CCDC102A: variants seen among roughly 807,000 people sequenced by gnomAD.
CCDC102A encodes coiled-coil domain containing 102A, also known as coiled-coil domain-containing protein 102A.
Under a neutral mutation model 55.5 loss-of-function variants are expected in CCDC102A, and 40 were observed. That is an observed-to-expected ratio of 0.72 (90% CI 0.56 to 0.94). CCDC102A has a LOEUF of 0.94. Among genes scored for constraint, CCDC102A ranks in the 40% least tolerant of loss-of-function variants. The probability of loss-of-function intolerance (pLI) is 0.00; values close to 1 mark genes in which losing one functional copy is unlikely to be tolerated. For missense variants in CCDC102A, 779 were observed against 768.6 expected, an observed-to-expected ratio of 1.01 and a Z score of -0.16; for synonymous variants, 323 against 339.0, an observed-to-expected ratio of 0.95 and a Z score of 0.52.
rs764648298 is a variant in CCDC102A at position 57,516,438 on chromosome 16, T to C, written c.1274A>G (p.His425Arg). Residue 425 changes from histidine (H) to arginine (R), a missense_variant, in exon 7 of 9, where the codon CAT (histidine) becomes CGT (arginine). Coordinates refer to ENST00000258214, the MANE Select transcript of CCDC102A (RefSeq NM_033212.4). This position sits in a 1 kb window ranked among gnomAD's most constrained non-coding sequence, Gnocchi z 4.4. ...CTGGAACTGCTTCTTCAGCTTGCCA[T>C]GCACATGCTTCAGGTCTGCCAGCTC... ...NKELADLKHV[H>R]GKLKKQFQEK... The C allele has an allele frequency of 1.2e-6, 2 of 1,608,270 alleles. No individual in the cohort carries two copies. The highest frequency in any genetic ancestry group is 2.2e-5 in the South Asian group (2 of 91,042).
rs2032134299 is a variant in CCDC102A, at chr16:57,525,995, C to G, written c.718G>C (p.Glu240Gln). The G allele has an allele frequency of 6.2e-7, 1 of 1,609,692 alleles. No homozygotes were observed. The highest frequency in any genetic ancestry group is 8.5e-7 in the Non-Finnish European group (1 of 1,178,462). Residue 240 changes from glutamate to glutamine, a missense_variant, in exon 3 of 9, where the codon GAG becomes CAG. Transcript: ENST00000258214. ...TCCTCCTCCGTGGCAGCTGTGTCCT[C>G]CCAGGGTAGCCGGCTGCGCTCCTGG... ...GRQERSRLPW[E>Q]DTAATEEEAS... is the part of the protein sequence containing the mutation.
At position 57,521,138 on chromosome 16, in the gene CCDC102A, T is replaced by C. The variant is rs745458166; in HGVS notation, c.851A>G (p.Glu284Gly). 1 of 1,613,518 alleles carries C rather than the reference T, an allele frequency of 6.2e-7. No individual in the cohort carries two copies. Among genetic ancestry groups the C allele is most frequent in the Admixed American group, 1.7e-5 (1 of 60,008 alleles). ...GATCTTCCACTGGCTGAGCTCCCCC[T>C]CTAGCTTCTCAATGTTCCTGCTCAA... is the stretch of plus-strand genomic sequence containing the variant. ...LALSRNIEKL[E>G]GELSQWKIKY... Residue 284 changes from glutamate (E) to glycine (G), a missense_variant, in exon 4 of 9, where the codon GAG (glutamate) becomes GGG (glycine). Coordinates refer to ENST00000258214, the MANE Select transcript of CCDC102A (RefSeq NM_033212.4).
chr16:57,536,216 C>T (rs1185099303), intron 1 of CCDC102A, among the ~76,000 whole-genome samples: 2 of 152,034 alleles, frequency 1.3e-5, no homozygotes, highest in Admixed American at 6.5e-5. Flanking sequence ...GCCGCCCCCT[C>T]CCGTCCGGCC....
chr16:57,534,270 C>T (rs60138263), intron 1 of CCDC102A, among the ~76,000 whole-genome samples: 88 of 152,262 alleles, frequency 5.8e-4, no homozygotes, highest in Middle Eastern at 3.4e-3. Context: ...GACACTTGTG[C>T]CACTTAGAGC....
intron 7 of CCDC102A, 109 bp from the exon 8 acceptor site, chr16:57,515,553 C>A: frequency 1.4e-6 from 1 of 714,546 alleles, no homozygotes; most frequent in East Asian, 2.7e-5. Flanking sequence ...GGTGCTCCTC[C>A]GAGAGTGTTT....
chr16:57,529,506 C>G lies in CCDC102A; in HGVS notation c.-147-182G>C, dbSNP rs1013338287. ...CCCGCAAAGGCCTCCTCAGTGGCCT[C>G]GACTCCCTGCTCCAATCCCTTCACC... On this transcript the variant is annotated intron_variant, in intron 1 of 8. Transcript: ENST00000258214. The surrounding 1 kb of genome is among the most constrained non-coding windows in gnomAD (Gnocchi z 4.1). 6.6e-6 allele frequency among the ~76,000 whole-genome samples: 1 copy of G among 152,186 alleles called. No homozygotes were observed. Among genetic ancestry groups the G allele is most frequent in the Non-Finnish European group, 1.5e-5 (1 of 68,010 alleles).
At position 57,513,208 on chromosome 16, in the gene CCDC102A, T is replaced by C. The variant is rs181968099; in HGVS notation, c.1524-338A>G. Among the ~76,000 whole-genome samples the C allele has an allele frequency of 9.2e-5, 14 of 152,308 alleles. No individual in the cohort carries two copies. The East Asian group carries it at 2.7e-3, about 29-fold the overall frequency. ...ATGCTGCAGGATTTGAACCCAAGCCTGGCTCTCAGAGCACAGGCAGCAGAG... is the reference window on the plus strand; with the variant it reads ...ATGCTGCAGGATTTGAACCCAAGCCCGGCTCTCAGAGCACAGGCAGCAGAG... On this transcript the variant is annotated intron_variant, in intron 8 of 8. Transcript: ENST00000258214.
intron 1 of CCDC102A, among the ~76,000 whole-genome samples, chr16:57,534,697 G>A (rs868744064): frequency 6.6e-6 from 1 of 152,142 alleles, no homozygotes; most frequent in East Asian, 1.9e-4. Flanking sequence ...CCACTCTTAG[G>A]GGTACCCTTG....
Position 57,518,089 on chromosome 16 carries a change from G to C in CCDC102A, c.1227C>G (p.Ala409=). 4 of 1,603,412 alleles carry C rather than the reference G, an allele frequency of 2.5e-6. No individual in the cohort carries two copies. Among genetic ancestry groups the C allele is most frequent in the Non-Finnish European group, 3.4e-6 (4 of 1,177,414 alleles). ...CCACCTTGTTCTTCTCGAAGAGCGCGGCCTGGCTGGCCCTCAGGTCGCAGT... is the reference window on the plus strand; with the variant it reads ...CCACCTTGTTCTTCTCGAAGAGCGCCGCCTGGCTGGCCCTCAGGTCGCAGT... ...ALDCDLRASQ[A]ALFEKNKELA... The change falls in exon 6 of 9, where the codon GCC becomes GCG. Residue 409 remains alanine (A), a synonymous_variant. Coordinates refer to ENST00000258214, the MANE Select transcript of CCDC102A (RefSeq NM_033212.4).
chr16:57,525,275 T>G lies in CCDC102A; in HGVS notation c.812+626A>C, dbSNP rs193082636. Reference sequence around the variant, plus strand: ...CACGCCTAGCTAATTTTTGCATTTTTGGTAGAGATGGGGTTTCAATTCACC... The same window carrying G: ...CACGCCTAGCTAATTTTTGCATTTTGGGTAGAGATGGGGTTTCAATTCACC... On this transcript the variant is annotated intron_variant, in intron 3 of 8. Coordinates refer to ENST00000258214, the MANE Select transcript of CCDC102A (RefSeq NM_033212.4). 9.3e-4 allele frequency among the ~76,000 whole-genome samples: 141 copies of G among 152,216 alleles called. 1 individual carries two copies. The highest frequency in any genetic ancestry group is 3.2e-3 in the African/African-American group (134 of 41,550).
chr16:57,517,689 G>A (rs1452595731), intron 6 of CCDC102A, among the ~76,000 whole-genome samples: 1 of 152,176 alleles, frequency 6.6e-6, no homozygotes, highest in African/African-American at 2.4e-5. Context: ...GTATTTCCAG[G>A]ACCGTGGGCC....
chr16:57,527,380 C>T (rs2032154625), intron 2 of CCDC102A, among the ~76,000 whole-genome samples: 1 of 151,892 alleles, frequency 6.6e-6, no homozygotes, highest in African/African-American at 2.4e-5. Context: ...AGGTTCAAAC[C>T]CCAGCAAGTT....
intron 3 of CCDC102A, among the ~76,000 whole-genome samples, chr16:57,524,582 A>AAT (rs201694539): frequency 1.2e-4 from 12 of 100,058 alleles, no homozygotes; most frequent in East Asian, 2.9e-4. Context: ...GTCTAAAAAA[A>AAT]ATATATATAT....
intron 4 of CCDC102A, among the ~76,000 whole-genome samples, chr16:57,520,170 C>T (rs923058998): frequency 4.6e-5 from 7 of 152,208 alleles, no homozygotes; most frequent in African/African-American, 1.2e-4. Flanking sequence ...TCCTGGTCTA[C>T]AAGGCCCCCT....
At chr16:57,522,391 C>A (rs1407883301) in intron 3 of CCDC102A, among the ~76,000 whole-genome samples, 1 of 152,100 alleles carries the variant, frequency 6.6e-6, no homozygotes, top group Non-Finnish European at 1.5e-5. Context: ...CATCTCTGGG[C>A]AAGTACCTCC....
Position 57,529,095 on chromosome 16 carries a change from G to A in CCDC102A, c.83C>T (p.Ser28Leu). 8.5e-7 allele frequency: 1 copy of A among 1,176,096 alleles called. No homozygotes were observed. Among genetic ancestry groups the A allele is most frequent in the Non-Finnish European group, 1.1e-6 (1 of 951,976 alleles). The allele number at this position is 1,176,096 out of a possible 1,614,324, so 72.9% of individuals were successfully genotyped here. Residue 28 changes from serine to leucine, a missense_variant, in exon 2 of 9, where the codon TCG becomes TTG. Coordinates refer to ENST00000258214, the MANE Select transcript of CCDC102A (RefSeq NM_033212.4). This position sits in a 1 kb window ranked among gnomAD's most constrained non-coding sequence, Gnocchi z 4.1. ...GSLLTILGSP[S>L]PERMGPADSL... Reference sequence around the variant, plus strand: ...GTCGGCAGGCCCCATGCGCTCCGGCGACGGGCTGCCCAGGATGGTCAGGAG... The same window carrying A: ...GTCGGCAGGCCCCATGCGCTCCGGCAACGGGCTGCCCAGGATGGTCAGGAG...
At chr16:57,534,406 G>C (rs1167229958) in intron 1 of CCDC102A, among the ~76,000 whole-genome samples, 2 of 152,216 alleles carry the variant, frequency 1.3e-5, no homozygotes, top group African/African-American at 4.8e-5. Context: ...CCTGCCCACA[G>C]AAAGTGACCC....
rs1371427962 is a variant in CCDC102A, at chr16:57,516,079, G to A, written c.1419+214C>T. On this transcript the variant is annotated intron_variant, in intron 7 of 8. Coordinates refer to ENST00000258214, the MANE Select transcript of CCDC102A (RefSeq NM_033212.4). This position sits in a 1 kb window ranked among gnomAD's most constrained non-coding sequence, Gnocchi z 4.4. ...GTTCATCCATGCACACATCCATCTT[G>A]TCTTCTGTTCATTTTTCTTCCCATC... Among the ~76,000 whole-genome samples the A allele has an allele frequency of 6.6e-6, 1 of 152,038 alleles. No homozygotes were observed. The highest frequency in any genetic ancestry group is 1.5e-5 in the Non-Finnish European group (1 of 68,020).
Position 57,518,736 on chromosome 16 carries a change from G to A in CCDC102A, c.927C>T (p.Ser309=), listed in dbSNP as rs780652164. 3 of 1,601,992 alleles carry A rather than the reference G, an allele frequency of 1.9e-6. No individual in the cohort carries two copies. Among genetic ancestry groups the A allele is most frequent in the Non-Finnish European group, 2.6e-6 (3 of 1,174,010 alleles). Reference sequence around the variant, plus strand: ...CGTCCTGGTGCGCCTCCTTCAGGATGCTGAGCTGCAGGGATAAGGCCCCAC... The same window carrying A: ...CGTCCTGGTGCGCCTCCTTCAGGATACTGAGCTGCAGGGATAAGGCCCCAC... The part of the protein sequence containing the change: ...KTKQEMLKQL[S]ILKEAHQDEL... Residue 309 remains serine (S), a synonymous_variant, in exon 5 of 9, where the codon AGC becomes AGT. Transcript: ENST00000258214.
Sources: gnomAD v4.1 joint callset for allele counts (sites outside exome capture counted in the v4.1 genomes callset) on GRCh38, gnomAD v4.1.1 for gene constraint, Gnocchi (gnomAD v3.1) non-coding constraint, MANE v1.5 for transcripts, NCBI Gene and HGNC (gene_info 2026-07-23, HGNC 2026-07-21) for gene names.